KHNYN: variants seen among roughly 807,000 people sequenced by gnomAD.
The protein encoded by KHNYN is protein KHNYN.
KHNYN carries 42 observed loss-of-function variants against 62.7 expected under a neutral mutation model. That is an observed-to-expected ratio of 0.67 (90% confidence interval 0.52 to 0.87). KHNYN has a LOEUF of 0.87. Among genes scored for constraint, KHNYN ranks in the 40% least tolerant of loss-of-function variants. KHNYN has a pLI of 0.00. For missense variants in KHNYN, 829 were observed against 874.1 expected, an observed-to-expected ratio of 0.95 and a Z score of 0.65; for synonymous variants, 347 against 345.6, an observed-to-expected ratio of 1.00 and a Z score of -0.04.
chr14:24,430,627 C>A, intron 1 of KHNYN, 87 bp from the exon 2 acceptor site: 1 of 1,488,318 alleles, frequency 6.7e-7, no homozygotes. Context: ...TAACTAGGTG[C>A]GACCTGTTGA....
chr14:24,426,045 A>C (rs1199376185), upstream of KHNYN, among the ~76,000 whole-genome samples: 1 of 152,218 alleles, frequency 6.6e-6, no homozygotes, highest in Non-Finnish European at 1.5e-5. Context: ...AAAATAGCCT[A>C]TATTCACTCT....
At position 24,430,830 on chromosome 14, in the gene KHNYN, A is replaced by C. The variant is rs369438249; in HGVS notation, c.100A>C (p.Ile34Leu). 4 of 1,613,170 alleles carry C rather than the reference A, an allele frequency of 2.5e-6. No individual in the cohort carries two copies. The African/African-American group carries it at 4.0e-5, about 16-fold the overall frequency. ...GGAACAGCAGCCCCATGTGGAGCGC[A>C]TCTTCAGCGTGGGGGTGAGCGTCCT... ...VREQQPHVER[I>L]FSVGVSVLPK... Residue 34 changes from isoleucine (I) to leucine (L), a missense_variant, in exon 2 of 8, where the codon ATC (isoleucine) becomes CTC (leucine). Physicochemically the swap from Ile to Leu is conservative, Grantham distance 5 (BLOSUM62 2). This residue lies in a region of KHNYN where 559 missense variants were observed against 527.0 expected (regional missense o/e 1.06). Transcript: ENST00000553935.
Position 24,436,480 on chromosome 14 carries a change from A to C in KHNYN, c.1778A>C (p.Lys593Thr). Residue 593 changes from lysine (K) to threonine (T), a missense_variant, in exon 7 of 8, where the codon AAG (lysine) becomes ACG (threonine). Transcript: ENST00000553935. Reference protein sequence around the residue: ...NGPTLDEFLKKPARTQGSSKA... With the variant: ...NGPTLDEFLKTPARTQGSSKA... ...CCCACCCTGGATGAATTTCTGAAGA[A>C]GCCAGCCAGGTAATCAATCCCCTAG... 1 of 1,612,464 alleles carries C rather than the reference A, an allele frequency of 6.2e-7. No individual in the cohort carries two copies.
chr14:24,425,355 GT>G (rs2043010070), upstream of KHNYN, among the ~76,000 whole-genome samples: 1 of 152,190 alleles, frequency 6.6e-6, no homozygotes, highest in African/African-American at 2.4e-5. Context: ...GTGAGCCCGG[GT>G]GACTAAATTC....
rs117771143 is a variant in KHNYN, at chr14:24,440,959, G to A, written c.*3674G>A. 2 of 1,613,486 alleles carry A rather than the reference G, an allele frequency of 1.2e-6. No homozygotes were observed. Among genetic ancestry groups the A allele is most frequent in the East Asian group, 4.5e-5 (2 of 44,874 alleles). ...TGGAACACAATCATTTGCCCTGGGT[G>A]TCCTTGGTCCTGCCTGGCTCTCTGT... On this transcript the variant is annotated 3_prime_UTR_variant, in exon 8 of 8. Coordinates refer to ENST00000553935, the MANE Select transcript of KHNYN (RefSeq NM_015299.3).
rs190422129 is a variant in KHNYN, at chr14:24,439,165, T to A, written c.*1880T>A. 3.9e-5 allele frequency: 6 copies of A among 152,074 alleles called. No individual in the cohort carries two copies. The highest frequency in any genetic ancestry group is 2.0e-4 in the Admixed American group (3 of 15,276). The allele number at this position is 152,074 out of a possible 1,614,324, so 9.4% of individuals were successfully genotyped here. ...CACAGCTTTAGGTAGGTAAAAAGGG[T>A]CCTAGATGAAAACCTTGGAGTTTTT... On this transcript the variant is annotated 3_prime_UTR_variant, in exon 8 of 8. Coordinates refer to ENST00000553935, the MANE Select transcript of KHNYN (RefSeq NM_015299.3).
Position 24,440,668 on chromosome 14 carries a change from G to T in KHNYN, c.*3383G>T. The T allele has an allele frequency of 7.0e-7, 1 of 1,425,380 alleles. No individual in the cohort carries two copies. The highest frequency in any genetic ancestry group is 9.7e-7 in the Non-Finnish European group (1 of 1,032,274). 88.3% of individuals were successfully genotyped at this position (1,425,380 alleles called of 1,614,324 possible). A position where few individuals can be genotyped will look rare whatever the true frequency, so the allele number is the denominator to read the frequency against. ...CACCTTCTCATCTGCAGGTTGGCTAGAAGTGGTGGCATCCTCTCACTCTGT... is the reference window on the plus strand; with the variant it reads ...CACCTTCTCATCTGCAGGTTGGCTATAAGTGGTGGCATCCTCTCACTCTGT... On this transcript the variant is annotated 3_prime_UTR_variant, in exon 8 of 8. Transcript: ENST00000553935.
rs1396658953 is a variant in KHNYN at position 24,432,824 on chromosome 14, G to A, written c.1452G>A (p.Trp484Ter). The change falls in exon 4 of 8, where the codon TGG (tryptophan) becomes TGA (stop). Residue 484 changes from tryptophan to a stop codon, truncating the protein, a stop_gained. Transcript: ENST00000553935. LOFTEE classifies it high-confidence loss of function. The surrounding 1 kb of genome is among the most constrained non-coding windows in gnomAD (Gnocchi z 5.6). Reference protein sequence around the residue: ...HRDITVFVPQWRFSKDAKVRE... With the variant: ...HRDITVFVPQ The stretch of plus-strand genomic sequence containing the variant: ...ACATAACTGTCTTTGTGCCTCAGTG[G>A]CGCTTCAGTAAGGATGCCAAAGTCA... The A allele has an allele frequency of 6.2e-7, 1 of 1,614,114 alleles. No homozygotes were observed. Among genetic ancestry groups the A allele is most frequent in the African/African-American group, 1.3e-5 (1 of 74,946 alleles).
At position 24,437,080 on chromosome 14, in the gene KHNYN, C is replaced by G; in HGVS notation, c.1832C>G (p.Ala611Gly). 1 of 1,614,136 alleles carries G rather than the reference C, an allele frequency of 6.2e-7. No homozygotes were observed. ...SKAQHPSRGF[A>G]EHGKQQQGRE... ...GCTCAGCATCCTTCCAGGGGCTTTGCAGAACATGGTAAACAGCAGCAGGGG... is the reference window on the plus strand; with the variant it reads ...GCTCAGCATCCTTCCAGGGGCTTTGGAGAACATGGTAAACAGCAGCAGGGG... The change falls in exon 8 of 8, where the codon GCA becomes GGA. Residue 611 changes from alanine to glycine, a missense_variant. Ala to Gly is a moderately conservative substitution (Grantham distance 60). Transcript: ENST00000553935. The surrounding 1 kb of genome is among the most constrained non-coding windows in gnomAD (Gnocchi z 5.5).
chr14:24,434,236 T>C, intron 5 of KHNYN: 1 of 985,402 alleles, frequency 1.0e-6, no homozygotes, highest in Non-Finnish European at 1.2e-6. Flanking sequence ...GGTTGGCAGA[T>C]AACATAATAT....
intron 1 of KHNYN, 88 bp downstream of exon 1, chr14:24,430,207 G>A (rs2043079491): frequency 1.1e-6 from 1 of 937,762 alleles, no homozygotes; most frequent in African/African-American, 1.8e-5. Flanking sequence ...GCCCCAGTCC[G>A]CGGTGGGCGG....
chr14:24,424,699 C>T (rs754113974), upstream of KHNYN, among the ~76,000 whole-genome samples: 1 of 152,190 alleles, frequency 6.6e-6, no homozygotes, highest in Non-Finnish European at 1.5e-5. Context: ...ACTTGGCTTG[C>T]AGTTGTTGGC....
At chr14:24,427,752 C>G (rs750014293), upstream of KHNYN, 1 of 1,603,304 alleles carries the variant, frequency 6.2e-7, no homozygotes, top group Non-Finnish European at 8.5e-7. The surrounding 1 kb of genome is among the most constrained non-coding windows in gnomAD (Gnocchi z 4.4). Flanking sequence ...AGAAAGTTGT[C>G]AGGGGCTGGA....
At chr14:24,431,083 G>A in intron 2 of KHNYN, 152 bp downstream of exon 2, 1 of 688,776 alleles carries the variant, frequency 1.5e-6, no homozygotes, top group Non-Finnish European at 2.4e-6. Flanking sequence ...GTGCCCCTGA[G>A]TTTTGAGGGA....
chr14:24,436,210 A>G (rs772786152), intron 6 of KHNYN, 31 bp downstream of exon 6: 5 of 1,568,710 alleles, frequency 3.2e-6, no homozygotes, highest in Non-Finnish European at 4.4e-6. Context: ...AGAACTGGGC[A>G]CAGATGCAGA....
chr14:24,433,188 T>C (rs1056245996), intron 5 of KHNYN, among the ~76,000 whole-genome samples, 156 bp downstream of exon 5: 4 of 152,218 alleles, frequency 2.6e-5, no homozygotes, highest in African/African-American at 9.6e-5. Flanking sequence ...ATTGGGTAGG[T>C]AAACCTGCCC....
At chr14:24,428,293 G>A (rs1480058531), upstream of KHNYN, 1 of 1,613,874 alleles carries the variant, frequency 6.2e-7, no homozygotes, top group Admixed American at 1.7e-5. Context: ...CACCTGGACA[G>A]TTTGGCGGTT....
In KHNYN at chr14:24,440,862, A is replaced by G. The variant is rs1340038766; in HGVS notation, c.*3577A>G. On this transcript the variant is annotated 3_prime_UTR_variant, in exon 8 of 8. Coordinates refer to ENST00000553935, the MANE Select transcript of KHNYN (RefSeq NM_015299.3). ...CCCATTTGGTTACGAGGTTGGAGAA[A>G]AAGTCAAAGTCCCCTCCTGGGCTGT... The G allele has an allele frequency of 1.9e-6, 3 of 1,613,994 alleles. No homozygotes were observed. The highest frequency in any genetic ancestry group is 1.3e-5 in the African/African-American group (1 of 75,046).
intron 1 of KHNYN, 157 bp downstream of exon 1, chr14:24,430,276 C>G (rs2043081782): frequency 1.1e-5 from 8 of 707,254 alleles, no homozygotes; most frequent in Non-Finnish European, 1.4e-5. Context: ...CGGAGAGGGG[C>G]AGCGGACGGC....
Sources: gnomAD v4.1 joint callset for allele counts (sites outside exome capture counted in the v4.1 genomes callset) on GRCh38, gnomAD v4.1.1 for gene constraint, gnomAD v4.1.1 regional missense constraint, Gnocchi (gnomAD v3.1) non-coding constraint, MANE v1.5 for transcripts, NCBI Gene and HGNC (gene_info 2026-07-23, HGNC 2026-07-21) for gene names.